Variants in TSPAN5 observed in about 807,000 individuals in gnomAD.
TSPAN5 encodes tetraspanin 5.
In TSPAN5, 10 loss-of-function variants were observed where a neutral mutation model predicts 37.1. That is an observed-to-expected ratio of 0.27 (90% CI 0.17 to 0.46). TSPAN5 has a LOEUF of 0.46. Ranked by LOEUF, TSPAN5 falls within the 20% of genes least tolerant of loss-of-function variation. The pLI is 1.00. For synonymous variants in TSPAN5, 110 were observed against 118.9 expected (o/e 0.93, Z 0.48); for missense variants, 195 against 326.6 (o/e 0.60, Z 3.11).
Position 98,644,757 on chromosome 4 carries a change from A to T in TSPAN5, c.81+13389T>A, listed in dbSNP as rs143722217. The stretch of plus-strand genomic sequence containing the variant: ...TACAGTTCCTAAGCATTTAAAGTTG[A>T]CTTCCTGCTGGCCTGAGATACAATT... On this transcript the variant is annotated intron_variant, in intron 1 of 7. Transcript: ENST00000305798. Among the ~76,000 whole-genome samples, 12 of 152,248 alleles carry T rather than the reference A, an allele frequency of 7.9e-5. No homozygotes were observed. In the East Asian group the frequency reaches 2.3e-3, roughly 29 times the overall value.
At chr4:98,481,447 G>T (rs1440276344) in intron 4 of TSPAN5, among the ~76,000 whole-genome samples, 1 of 152,124 alleles carries the variant, frequency 6.6e-6, no homozygotes, top group Non-Finnish European at 1.5e-5. Context: ...GGAGAGAGTG[G>T]CCCGGATTCC....
At chr4:98,584,786 C>A (rs1320302326) in intron 1 of TSPAN5, among the ~76,000 whole-genome samples, 1 of 152,186 alleles carries the variant, frequency 6.6e-6, no homozygotes, top group East Asian at 1.9e-4. Context: ...GTAAAAGGAA[C>A]TTCAGAAAAG....
chr4:98,598,541 T>G (rs1180490201), intron 1 of TSPAN5, among the ~76,000 whole-genome samples: 1 of 152,096 alleles, frequency 6.6e-6, no homozygotes, highest in East Asian at 1.9e-4. Flanking sequence ...CTGTGCTCAC[T>G]GCAACCTCCA....
At chr4:98,531,733 CCTGA>C (rs1754095803) in intron 1 of TSPAN5, among the ~76,000 whole-genome samples, 1 of 152,126 alleles carries the variant, frequency 6.6e-6, no homozygotes, top group East Asian at 1.9e-4. Context: ...TCTGTTGTTT[CCTGA>C]CTTTTTAATG....
At chr4:98,644,737 T>C (rs1757027463) in intron 1 of TSPAN5, among the ~76,000 whole-genome samples, 1 of 152,086 alleles carries the variant, frequency 6.6e-6, no homozygotes, top group Non-Finnish European at 1.5e-5. Flanking sequence ...TGAGATACAG[T>C]TCCTAAGCAT....
In TSPAN5 at chr4:98,640,902, A is replaced by C. The variant is rs1032880166; in HGVS notation, c.81+17244T>G. 2.0e-5 allele frequency among the ~76,000 whole-genome samples: 3 copies of C among 152,166 alleles called. No homozygotes were observed. In the East Asian group the frequency reaches 5.8e-4, roughly 29 times the overall value. On this transcript the variant is annotated intron_variant, in intron 1 of 7. Transcript: ENST00000305798. ...ACTGAGTGCTCAGGGTTGGATGTAC[A>C]TCATCTCATGGAATCTTCACAATGA...
At chr4:98,608,564 C>T (rs150500837) in intron 1 of TSPAN5, among the ~76,000 whole-genome samples, 196 of 152,232 alleles carry the variant, frequency 1.3e-3, no homozygotes, top group African/African-American at 3.8e-3. Context: ...CAGGTGGCAG[C>T]GGAAGAACGA....
rs192091142 is a variant in TSPAN5 at position 98,630,040 on chromosome 4, T to C, written c.81+28106A>G. Among the ~76,000 whole-genome samples, 209 of 152,348 alleles carry C rather than the reference T, an allele frequency of 1.4e-3. 1 individual carries two copies. The highest frequency in any genetic ancestry group is 1.9e-3 in the Non-Finnish European group (131 of 68,032). ...AACGCTTTCCCTAAATCTTAACATATGCACTGACTGCATTTGGTGTGGTCA... is the reference window on the plus strand; with the variant it reads ...AACGCTTTCCCTAAATCTTAACATACGCACTGACTGCATTTGGTGTGGTCA... On this transcript the variant is annotated intron_variant, in intron 1 of 7. Transcript: ENST00000305798.
chr4:98,621,614 C>T lies in TSPAN5; in HGVS notation c.81+36532G>A, dbSNP rs190808173. On this transcript the variant is annotated intron_variant, in intron 1 of 7. Transcript: ENST00000305798. ...CGATCTCCTGACCTCGTGATCCGCC[C>T]GCCTCAGGCTCCCAAAGTGCTAGGA... Among the ~76,000 whole-genome samples, 1,174 of 152,122 alleles carry T rather than the reference C, an allele frequency of 7.7e-3. 16 individuals are homozygous for T. The highest frequency in any genetic ancestry group is 0.027 in the African/African-American group (1,114 of 41,484).
At chr4:98,515,388 C>T (rs1242468190) in intron 1 of TSPAN5, among the ~76,000 whole-genome samples, 1 of 152,164 alleles carries the variant, frequency 6.6e-6, no homozygotes, top group African/African-American at 2.4e-5. Context: ...TCCTGCCCCC[C>T]TCCTGACACA....
chr4:98,506,788 T>C (rs1359759634), intron 2 of TSPAN5, among the ~76,000 whole-genome samples: 1 of 151,994 alleles, frequency 6.6e-6, no homozygotes, highest in African/African-American at 2.4e-5. Context: ...TGTCCTTACG[T>C]GGGAGATAAT....
At chr4:98,485,112 T>TAAAAA (rs34892296) in intron 3 of TSPAN5, 1 of 145,738 alleles carries the variant, frequency 6.9e-6, no homozygotes, top group Non-Finnish European at 1.5e-5. Context: ...AAACTCCATC[T>TAAAAA]AAAAAAAAAA....
intron 1 of TSPAN5, among the ~76,000 whole-genome samples, chr4:98,573,656 A>T (rs536663065): frequency 6.6e-6 from 1 of 152,276 alleles, no homozygotes; most frequent in South Asian, 2.1e-4. Context: ...TTGATTTATG[A>T]GAGCAAGAAT....
intron 1 of TSPAN5, among the ~76,000 whole-genome samples, chr4:98,535,089 T>C (rs28784902): frequency 0.066 from 10,116 of 152,248 alleles, 810 homozygotes; most frequent in African/African-American, 0.17. Context: ...GCTAGCTGGT[T>C]ATTTTGCCTG....
chr4:98,633,050 AG>A (rs1756782173), intron 1 of TSPAN5, among the ~76,000 whole-genome samples: 1 of 152,164 alleles, frequency 6.6e-6, no homozygotes, highest in Non-Finnish European at 1.5e-5. Flanking sequence ...GGCTCAGACC[AG>A]GGCACTGGTT....
intron 1 of TSPAN5, among the ~76,000 whole-genome samples, chr4:98,572,920 A>C (rs898380112): frequency 5.3e-5 from 8 of 152,200 alleles, no homozygotes; most frequent in Non-Finnish European, 1.2e-4. Flanking sequence ...TTGTTTAAAG[A>C]ATCTTGCCCA....
At chr4:98,540,400 C>T (rs1228142245) in intron 1 of TSPAN5, among the ~76,000 whole-genome samples, 2 of 151,922 alleles carry the variant, frequency 1.3e-5, no homozygotes, top group Non-Finnish European at 2.9e-5. Context: ...TGCAGTGGCG[C>T]GATCTCGGCT....
At chr4:98,474,249 G>A (rs1033190622) in intron 7 of TSPAN5, among the ~76,000 whole-genome samples, 13 of 152,068 alleles carry the variant, frequency 8.5e-5, no homozygotes, top group African/African-American at 3.1e-4. Flanking sequence ...TCATTATTTT[G>A]CATATCTAGT....
At chr4:98,477,235 GCT>G (rs970309898) in intron 5 of TSPAN5, among the ~76,000 whole-genome samples, 8 of 152,244 alleles carry the variant, frequency 5.3e-5, no homozygotes, top group Admixed American at 1.3e-4. Flanking sequence ...AGCCCCTCAA[GCT>G]CTGAGTGGGC....
Sources: allele counts gnomAD v4.1 joint callset (sites outside exome capture counted in the v4.1 genomes callset), GRCh38; gene constraint gnomAD v4.1.1; transcripts MANE v1.5; gene names NCBI Gene and HGNC (gene_info 2026-07-23, HGNC 2026-07-21).